The following LRRC37B variants were observed in gnomAD, a reference collection of about 807,000 sequenced individuals.
LRRC37B encodes leucine rich repeat containing 37B, also known as leucine-rich repeat-containing protein 37B.
A neutral mutation model predicts 98.3 loss-of-function variants in LRRC37B; 28 were observed. The ratio of observed to expected loss-of-function variants is 0.28; its 90% CI spans 0.21 to 0.39. LRRC37B has a LOEUF of 0.39. Among genes scored for constraint, LRRC37B ranks in the 10% least tolerant of loss-of-function variants. The pLI is 1.00. For missense variants in LRRC37B, 938 were observed against 1,182.7 expected (o/e 0.79, Z 3.03); for synonymous variants, 364 against 442.7 (o/e 0.82, Z 2.23).
At chr17:32,021,920 T>A (rs1910804787) in exon 1 of LRRC37B, 1 of 1,614,000 alleles carries the variant, frequency 6.2e-7, no homozygotes, top group African/African-American at 1.3e-5. Flanking sequence ...TTGGACTTTC[T>A]CAATTCCATC....
At chr17:32,023,838 AAG>A (rs1241458057) in intron 1 of LRRC37B, among the ~76,000 whole-genome samples, 3 of 152,296 alleles carry the variant, frequency 2.0e-5, no homozygotes, top group African/African-American at 7.2e-5. Context: ...GATAGGAGGG[AAG>A]AGAGAGAATA....
chr17:32,008,729 G>A (rs1315540322), intron 1 of LRRC37B, among the ~76,000 whole-genome samples: 2 of 152,206 alleles, frequency 1.3e-5, no homozygotes, highest in African/African-American at 2.4e-5. Context: ...CTGGTCCTGT[G>A]TGTTTGTTTT....
At chr17:32,024,218 G>T (rs2142243115) in intron 1 of LRRC37B, among the ~76,000 whole-genome samples, 1 of 152,176 alleles carries the variant, frequency 6.6e-6, no homozygotes, top group Middle Eastern at 3.4e-3. Flanking sequence ...GGAGTAAAGT[G>T]TGAAGGGGCT....
chr17:32,034,146 G>C (rs1911178401), intron 5 of LRRC37B: 1 of 152,052 alleles, frequency 6.6e-6, no homozygotes, highest in Middle Eastern at 3.4e-3. Context: ...CAAAAGAATT[G>C]GTCCTATTTT....
chr17:32,032,332 A>T (rs1480593118), intron 5 of LRRC37B, among the ~76,000 whole-genome samples: 1 of 152,030 alleles, frequency 6.6e-6, no homozygotes, highest in African/African-American at 2.4e-5. Context: ...GTGAGCCACC[A>T]TGCCTGGCCA....
At chr17:32,037,923 C>A (rs1012622901) in intron 7 of LRRC37B, among the ~76,000 whole-genome samples, 18 of 151,886 alleles carry the variant, frequency 1.2e-4, no homozygotes, top group African/African-American at 1.2e-4. Flanking sequence ...CTGGCTAACA[C>A]AGTGAAACCC....
intron 5 of LRRC37B, chr17:32,033,865 C>A (rs1481514204): frequency 1.3e-5 from 2 of 151,900 alleles, no homozygotes; most frequent in African/African-American, 4.8e-5. Flanking sequence ...GACAGATAAA[C>A]AAAATGTCAT....
rs768614177 is a variant in LRRC37B, at chr17:32,024,780, A to T, written c.1830A>T (p.Lys610Asn). 8 of 1,604,780 alleles carry T rather than the reference A, an allele frequency of 5.0e-6. 1 individual carries two copies. In the South Asian group the frequency reaches 5.6e-5, roughly 11 times the overall value. ...GGAAAGCATACAGTTGGACCGAGAA[A>T]CTGTGAGTATATTCTCTCCAAATAT... The change falls in exon 2 of 12, where the codon AAA (lysine) becomes AAT (asparagine). Residue 610 changes from lysine to asparagine, a missense_variant and splice_region_variant. Coordinates refer to ENST00000327564, the Ensembl canonical transcript of LRRC37B.
intron 5 of LRRC37B, 75 bp downstream of exon 8, chr17:32,031,533 G>T: frequency 1.9e-6 from 2 of 1,049,372 alleles, no homozygotes; most frequent in Non-Finnish European, 2.6e-6. Flanking sequence ...GGTTAGCTGG[G>T]TATAAGCCCA....
chr17:32,019,832 G>A (rs1212173964), upstream of LRRC37B, among the ~76,000 whole-genome samples: 1 of 152,114 alleles, frequency 6.6e-6, no homozygotes, highest in African/African-American at 2.4e-5. Context: ...TAAATGAGGC[G>A]AATCTTGGAA....
intron 5 of LRRC37B, 103 bp from the exon 9 acceptor site, chr17:32,034,806 AT>A (rs903743370): frequency 2.0e-4 from 166 of 828,936 alleles, no homozygotes; most frequent in Admixed American, 2.4e-4. Context: ...GCAGAAAATT[AT>A]TTTTTTTACC....
intron 11 of LRRC37B, chr17:32,053,037 A>AT: frequency 1.9e-6 from 1 of 515,716 alleles, no homozygotes. Flanking sequence ...GCATCCACAG[A>AT]TTCTGGTATG....
chr17:32,020,610 G>A (rs1807370), upstream of LRRC37B: 7,844 of 499,996 alleles, frequency 0.016, 527 homozygotes, highest in African/African-American at 0.14. Flanking sequence ...TCAAACATGC[G>A]ACAGTTTAGC....
At chr17:32,047,672 C>T (rs1243904409) in intron 8 of LRRC37B, 89 bp from the exon 12 acceptor site, 2 of 1,587,074 alleles carry the variant, frequency 1.3e-6, no homozygotes, top group East Asian at 2.2e-5. Flanking sequence ...GACTCTTACT[C>T]TGTGTGACTG....
chr17:32,022,430 G>A, exon 1 of LRRC37B: 1 of 1,612,708 alleles, frequency 6.2e-7, no homozygotes, highest in Admixed American at 1.7e-5. Flanking sequence ...TAACTACAGA[G>A]CCTACTACAG....
chr17:32,037,667 ATAGC>A (rs1659264073), intron 7 of LRRC37B, among the ~76,000 whole-genome samples: 1 of 152,254 alleles, frequency 6.6e-6, no homozygotes, highest in Non-Finnish European at 1.5e-5. Flanking sequence ...CATTTCTTTA[ATAGC>A]TAGTGATGTT....
Position 32,030,239 on chromosome 17 carries a change from CTT to C in LRRC37B, c.1905-414_1905-413del, listed in dbSNP as rs200887461. Among the ~76,000 whole-genome samples, 864 of 152,146 alleles carry C rather than the reference CTT, an allele frequency of 5.7e-3. 8 individuals are homozygous for C. The highest frequency in any genetic ancestry group is 0.02 in the African/African-American group (827 of 41,482). ...CTTTCAAATGCTGTTGAAAGGATGTCTTTTATTTCTTCTGATACTGAACTGGC... is the reference window on the plus strand; with the variant it reads ...CTTTCAAATGCTGTTGAAAGGATGTCTTATTTCTTCTGATACTGAACTGGC... On this transcript the variant is annotated intron_variant, in intron 3 of 11. Transcript: ENST00000327564.
chr17:32,008,133 G>T lies in LRRC37B; in HGVS notation c.-191+1G>T. The stretch of plus-strand genomic sequence containing the variant: ...GAAAGCAGCTTCAGCAGCACTCCAG[G>T]TACCCACCCAGCGCAGTTGCTGCAG... On this transcript the variant is annotated splice_donor_variant, in intron 1 of 14. Transcript: ENST00000543378. LOFTEE classifies it low-confidence loss of function (5UTR_SPLICE). The T allele has an allele frequency of 2.8e-6, 1 of 358,024 alleles. No homozygotes were observed. The highest frequency in any genetic ancestry group is 5.5e-6 in the Non-Finnish European group (1 of 180,846). 22.2% of individuals were successfully genotyped at this position (358,024 alleles called of 1,614,324 possible).
intron 9 of LRRC37B, 184 bp from the exon 13 acceptor site, chr17:32,048,918 G>A (rs1027093428): frequency 6.4e-5 from 90 of 1,401,062 alleles, no homozygotes; most frequent in Non-Finnish European, 8.2e-5. Context: ...AAAGAGATGT[G>A]TTCAAAGACA....
Sources: gnomAD v4.1 joint callset for allele counts (sites outside exome capture counted in the v4.1 genomes callset) on GRCh38, gnomAD v4.1.1 for gene constraint, MANE v1.5 for transcripts, NCBI Gene and HGNC (gene_info 2026-07-23, HGNC 2026-07-21) for gene names.